The following ST6GALNAC3 variants were observed in gnomAD, a reference collection of about 807,000 sequenced individuals.
ST6GALNAC3 encodes the protein ST6 N-acetylgalactosaminide alpha-2,6-sialyltransferase 3, also known as alpha-N-acetylgalactosaminide alpha-2,6-sialyltransferase 3.
A neutral mutation model predicts 32.7 loss-of-function variants in ST6GALNAC3; 25 were observed. The ratio of observed to expected loss-of-function variants is 0.76; its 90% confidence interval spans 0.56 to 1.07. ST6GALNAC3 has a LOEUF of 1.07. ST6GALNAC3 is among the 50% of genes least tolerant of loss of function. The probability of loss-of-function intolerance (pLI) is 0.00; values close to 1 mark genes in which losing one functional copy is unlikely to be tolerated. For synonymous variants in ST6GALNAC3, 129 were observed against 133.1 expected (o/e 0.97, Z 0.21); for missense variants, 355 against 382.4 (o/e 0.93, Z 0.60).
chr1:76,228,458 T>C (rs1439942597), intron 1 of ST6GALNAC3, among the ~76,000 whole-genome samples: 1 of 152,144 alleles, frequency 6.6e-6, no homozygotes, highest in Non-Finnish European at 1.5e-5. Context: ...CGAAGAAAGA[T>C]CAGTTTGGGG....
intron 3 of ST6GALNAC3, among the ~76,000 whole-genome samples, chr1:76,468,093 C>T (rs1056617438): frequency 6.6e-6 from 1 of 151,652 alleles, no homozygotes; most frequent in Non-Finnish European, 1.5e-5. Flanking sequence ...ATTCTTCCTT[C>T]TCTCCTTCTT....
Position 76,629,675 on chromosome 1 carries a change from G to A in ST6GALNAC3, c.*869G>A. 3 of 985,302 alleles carry A rather than the reference G, an allele frequency of 3.0e-6. No individual in the cohort carries two copies. In the South Asian group the frequency reaches 1.4e-4, roughly 46 times the overall value. 61.0% of individuals were successfully genotyped at this position (985,302 alleles called of 1,614,324 possible). Reference sequence around the variant, plus strand: ...AACATTCCTAAAAAGTAACCAAAGGGTTTGCTAACTCTGCTTCAACATCCA... The same window carrying A: ...AACATTCCTAAAAAGTAACCAAAGGATTTGCTAACTCTGCTTCAACATCCA... On this transcript the variant is annotated 3_prime_UTR_variant, in exon 5 of 5. Transcript: ENST00000328299.
intron 3 of ST6GALNAC3, among the ~76,000 whole-genome samples, chr1:76,448,785 T>G (rs894647520): frequency 5.9e-5 from 9 of 152,160 alleles, no homozygotes. Flanking sequence ...TCACCAGCCA[T>G]GTGGAACTCT....
chr1:76,112,352 C>CGGCTGGCCGGGCGGGG (rs1431584496), intron 1 of ST6GALNAC3, among the ~76,000 whole-genome samples: 2 of 133,350 alleles, frequency 1.5e-5, no homozygotes, highest in Non-Finnish European at 3.2e-5. Context: ...CCGGACGGGG[C>CGGCTGGCCGGGCGGGG]GGCTGGCCGG....
intron 2 of ST6GALNAC3, among the ~76,000 whole-genome samples, chr1:76,355,360 C>A (rs190493616): frequency 1.6e-4 from 25 of 152,124 alleles, no homozygotes; most frequent in Non-Finnish European, 1.6e-4. Flanking sequence ...TAGTGTATTT[C>A]CTTTCAGTTC....
intron 1 of ST6GALNAC3, among the ~76,000 whole-genome samples, chr1:76,286,214 T>C (rs907311172): frequency 2.6e-5 from 4 of 152,214 alleles, no homozygotes; most frequent in African/African-American, 9.6e-5. Flanking sequence ...AGGATTTTAA[T>C]TGGCTACCTT....
At chr1:76,081,147 A>G (rs950258112) in intron 1 of ST6GALNAC3, among the ~76,000 whole-genome samples, 1 of 152,176 alleles carries the variant, frequency 6.6e-6, no homozygotes, top group African/African-American at 2.4e-5. Context: ...TCAGTAAGTG[A>G]TGGAGGTGGG....
chr1:76,605,006 T>C (rs1000910523), intron 3 of ST6GALNAC3, among the ~76,000 whole-genome samples: 3 of 152,216 alleles, frequency 2.0e-5, no homozygotes, highest in African/African-American at 4.8e-5. Flanking sequence ...ATAATTCACA[T>C]AGTATTAACA....
At chr1:76,440,559 G>A (rs573600706) in intron 3 of ST6GALNAC3, among the ~76,000 whole-genome samples, 2 of 152,254 alleles carry the variant, frequency 1.3e-5, no homozygotes, top group South Asian at 2.1e-4. Flanking sequence ...AAATAGAACT[G>A]TATTTTGTAG....
Position 76,628,907 on chromosome 1 carries a change from C to G in ST6GALNAC3, c.*101C>G, listed in dbSNP as rs190005317. The G allele has an allele frequency of 1.3e-4, 206 of 1,549,114 alleles. 1 individual carries two copies. In the African/African-American group the frequency reaches 2.5e-3, roughly 19 times the overall value. The stretch of plus-strand genomic sequence containing the variant: ...GAGATGATGGTAATGATAAAGACAA[C>G]AACAATGATTATCAAGTTCCTGTAC... On this transcript the variant is annotated 3_prime_UTR_variant, in exon 5 of 5. Coordinates refer to ENST00000328299, the MANE Select transcript of ST6GALNAC3 (RefSeq NM_152996.4).
intron 2 of ST6GALNAC3, among the ~76,000 whole-genome samples, chr1:76,340,771 C>A (rs1446388738): frequency 6.6e-6 from 1 of 152,032 alleles, no homozygotes; most frequent in African/African-American, 2.4e-5. Context: ...GAGAAGGCTT[C>A]CCCTGGAAGC....
intron 1 of ST6GALNAC3, among the ~76,000 whole-genome samples, chr1:76,275,995 G>A (rs1336467216): frequency 6.6e-6 from 1 of 152,062 alleles, no homozygotes; most frequent in East Asian, 1.9e-4. Context: ...TTATGAAGGG[G>A]AAATAGCTAG....
intron 1 of ST6GALNAC3, among the ~76,000 whole-genome samples, chr1:76,291,383 T>C (rs2100817806): frequency 6.6e-6 from 1 of 152,312 alleles, no homozygotes; most frequent in Non-Finnish European, 1.5e-5. Context: ...CCGGAGCACC[T>C]CCTGGCAGAG....
At chr1:76,448,414 C>T (rs1229677528) in intron 3 of ST6GALNAC3, among the ~76,000 whole-genome samples, 2 of 152,114 alleles carry the variant, frequency 1.3e-5, no homozygotes, top group Non-Finnish European at 2.9e-5. Context: ...TGAGTTAATG[C>T]TGAAATGAGT....
intron 3 of ST6GALNAC3, among the ~76,000 whole-genome samples, chr1:76,554,794 A>G (rs1393403941): frequency 6.6e-6 from 1 of 152,144 alleles, no homozygotes; most frequent in Non-Finnish European, 1.5e-5. Flanking sequence ...CAGACTAGAA[A>G]CACTTCTAAT....
At chr1:76,201,633 C>T (rs770200438) in intron 1 of ST6GALNAC3, among the ~76,000 whole-genome samples, 17 of 151,240 alleles carry the variant, frequency 1.1e-4, no homozygotes, top group South Asian at 2.1e-4. Flanking sequence ...AGAATATAGG[C>T]GGTAGGGAGA....
At chr1:76,309,919 T>A in intron 1 of ST6GALNAC3, 1 of 466,460 alleles carries the variant, frequency 2.1e-6, no homozygotes, top group Non-Finnish European at 4.3e-6. Flanking sequence ...TTACAACTGC[T>A]ATTTCATCCT....
At chr1:76,471,992 C>A (rs1241590631) in intron 3 of ST6GALNAC3, among the ~76,000 whole-genome samples, 1 of 151,952 alleles carries the variant, frequency 6.6e-6, no homozygotes, top group Non-Finnish European at 1.5e-5. Flanking sequence ...GGCCCATGGT[C>A]TGTGCAGGTG....
At chr1:76,429,518 A>T (rs1047072509) in intron 3 of ST6GALNAC3, among the ~76,000 whole-genome samples, 2 of 152,184 alleles carry the variant, frequency 1.3e-5, no homozygotes, top group African/African-American at 4.8e-5. Context: ...TTGCACATTT[A>T]GATAATCATC....
Sources: gnomAD v4.1 joint callset for allele counts (sites outside exome capture counted in the v4.1 genomes callset) on GRCh38, gnomAD v4.1.1 for gene constraint, MANE v1.5 for transcripts, NCBI Gene and HGNC (gene_info 2026-07-23, HGNC 2026-07-21) for gene names.